Variants in LIPJ observed in about 807,000 individuals in gnomAD.
LIPJ encodes lipase member J.
LIPJ carries 33 observed loss-of-function variants against 39.8 expected under a neutral mutation model. The observed-to-expected ratio is 0.83, with a 90% CI of 0.63 to 1.11. The LOEUF (loss-of-function observed/expected upper bound fraction) is 1.11, where lower values mean the gene tolerates loss of function less well. Among genes scored for constraint, LIPJ ranks in the 50% least tolerant of loss-of-function variants. The pLI is 0.00. For missense variants in LIPJ, 422 were observed against 427.9 expected (o/e 0.99, Z 0.12); for synonymous variants, 128 against 139.2 (o/e 0.92, Z 0.57).
chr10:88,613,690 G>T, the LIPJ span, among the ~76,000 whole-genome samples: 5 of 148,326 alleles, frequency 3.4e-5, no homozygotes, highest in Non-Finnish European at 7.4e-5. Context: ...AAAGAAGTAT[G>T]ACTGGGGATA....
chr10:88,600,504 A>G (rs2047938391), intron 8 of LIPJ, among the ~76,000 whole-genome samples: 1 of 152,194 alleles, frequency 6.6e-6, no homozygotes, highest in South Asian at 2.1e-4. Flanking sequence ...TACCTTCATG[A>G]CCATTTTAAA....
chr10:88,591,412 A>C, exon 4 of LIPJ: 1 of 1,604,138 alleles, frequency 6.2e-7, no homozygotes, highest in Non-Finnish European at 8.5e-7. Flanking sequence ...TACCCTGATG[A>C]AGAATATGAT....
At chr10:88,598,723 G>A (rs1851344614) in intron 8 of LIPJ, among the ~76,000 whole-genome samples, 1 of 151,712 alleles carries the variant, frequency 6.6e-6, no homozygotes, top group African/African-American at 2.4e-5. Flanking sequence ...AGAACAGTGC[G>A]ATTTGGGTTG....
chr10:88,582,929 G>C (rs1000394642), upstream of LIPJ: 1 of 963,544 alleles, frequency 1.0e-6, no homozygotes, highest in South Asian at 2.1e-5. Flanking sequence ...GCGCCACTCG[G>C]CGCATGGGCC....
In LIPJ at chr10:88,596,920, C is replaced by CA. The variant is rs750282279; in HGVS notation, c.713dup (p.Asn238LysfsTer39). Reference sequence around the variant, plus strand: ...TTGTTTATGATGTTTGGATATGACCCAAAAAACTTAAATATGGTAAGAACA... The same window carrying CA: ...TTGTTTATGATGTTTGGATATGACCCAAAAAAACTTAAATATGGTAAGAACA... On this transcript the variant is annotated frameshift_variant, in exon 8 of 11. Coordinates refer to ENST00000371939, the Ensembl canonical transcript of LIPJ. LOFTEE classifies it high-confidence loss of function. 2.6e-6 allele frequency: 4 copies of CA among 1,529,224 alleles called. No homozygotes were observed. Among genetic ancestry groups the CA allele is most frequent in the African/African-American group, 1.4e-5 (1 of 71,298 alleles). The allele number at this position is 1,529,224 out of a possible 1,614,324, so 94.7% of individuals were successfully genotyped here. A position where few individuals can be genotyped will look rare whatever the true frequency, so the allele number is the denominator to read the frequency against.
At chr10:88,593,291 C>T (rs1395126749) in intron 4 of LIPJ, 1 of 151,726 alleles carries the variant, frequency 6.6e-6, no homozygotes, top group Non-Finnish European at 1.5e-5. Context: ...TATGTAGAGG[C>T]TAAAATTGTG....
the LIPJ span, among the ~76,000 whole-genome samples, chr10:88,619,305 A>G: frequency 2.6e-5 from 4 of 151,792 alleles, no homozygotes; most frequent in Admixed American, 6.6e-5. Flanking sequence ...TTACTTTTCT[A>G]TAATATGAGT....
chr10:88,596,439 G>C, intron 7 of LIPJ, 23 bp downstream of exon 7: 2 of 1,465,176 alleles, frequency 1.4e-6, no homozygotes, highest in South Asian at 3.0e-5. Context: ...TTTATTTTAT[G>C]TCATTGATAA....
the LIPJ span, among the ~76,000 whole-genome samples, chr10:88,615,617 G>T: frequency 9.4e-6 from 1 of 106,462 alleles, no homozygotes; most frequent in African/African-American, 4.0e-5. Context: ...AACAGTGTGA[G>T]ACTCCACCTC....
chr10:88,603,726 G>A (rs925648933), intron 9 of LIPJ, among the ~76,000 whole-genome samples: 35 of 152,140 alleles, frequency 2.3e-4, no homozygotes, highest in African/African-American at 6.5e-4. Flanking sequence ...GTACATTAAA[G>A]TTAATAAACA....
rs548345201 is a variant in LIPJ, at chr10:88,593,860, T to C, written c.131-86T>C. ...ATTTTTTAAAATCTTTAAACTGTCA[T>C]GTACTAAAAGTTTGAATTTCAGATA... On this transcript the variant is annotated intron_variant, in intron 4 of 10. Transcript: ENST00000371939. 49 of 1,123,672 alleles carry C rather than the reference T, an allele frequency of 4.4e-5. No homozygotes were observed. In the African/African-American group the frequency reaches 5.7e-4, roughly 13 times the overall value. The allele number at this position is 1,123,672 out of a possible 1,614,324, so 69.6% of individuals were successfully genotyped here. A position where few individuals can be genotyped will look rare whatever the true frequency, so the allele number is the denominator to read the frequency against.
chr10:88,600,127 T>C (rs1051901691), intron 8 of LIPJ, among the ~76,000 whole-genome samples: 1 of 152,156 alleles, frequency 6.6e-6, no homozygotes, highest in Non-Finnish European at 1.5e-5. Flanking sequence ...TTTGTGTTTA[T>C]ATCCACATCC....
intron 8 of LIPJ, among the ~76,000 whole-genome samples, chr10:88,597,526 A>C (rs985740070): frequency 6.6e-6 from 1 of 151,906 alleles, no homozygotes; most frequent in African/African-American, 2.4e-5. Context: ...ATTTGGCAGA[A>C]GCAAATGTGC....
intron 8 of LIPJ, among the ~76,000 whole-genome samples, chr10:88,599,446 C>T (rs983268023): frequency 1.3e-5 from 2 of 151,942 alleles, no homozygotes; most frequent in Non-Finnish European, 2.9e-5. Flanking sequence ...CTGGCAACCA[C>T]CATTTTACTC....
chr10:88,617,980 TG>T, the LIPJ span, among the ~76,000 whole-genome samples: 1 of 152,220 alleles, frequency 6.6e-6, no homozygotes, highest in African/African-American at 2.4e-5. Flanking sequence ...TCTCCCTAGA[TG>T]ATCTTACACT....
chr10:88,601,135 G>A (rs962412775), intron 8 of LIPJ, among the ~76,000 whole-genome samples: 2 of 151,898 alleles, frequency 1.3e-5, no homozygotes, highest in Non-Finnish European at 2.9e-5. Context: ...TTTTAGTAGA[G>A]ATGGGGTTCA....
chr10:88,591,645 A>G, intron 4 of LIPJ, 147 bp downstream of exon 4: 1 of 587,746 alleles, frequency 1.7e-6, no homozygotes, highest in African/African-American at 1.9e-5. Context: ...TGCTACAAGA[A>G]GAGTCACACA....
exon 11 of LIPJ, chr10:88,606,947 C>G: frequency 7.2e-7 from 1 of 1,398,196 alleles, no homozygotes; most frequent in Non-Finnish European, 9.3e-7. Flanking sequence ...TACATCATTC[C>G]TAATGAAATC....
intron 8 of LIPJ, among the ~76,000 whole-genome samples, chr10:88,599,107 A>G (rs761683214): frequency 2.7e-5 from 4 of 150,756 alleles, no homozygotes; most frequent in Non-Finnish European, 5.9e-5. Flanking sequence ...AAAATTGTTC[A>G]GTCAGAACTT....
Sources: gnomAD v4.1 joint callset for allele counts (sites outside exome capture counted in the v4.1 genomes callset) on GRCh38, gnomAD v4.1.1 for gene constraint, MANE v1.5 for transcripts, NCBI Gene and HGNC (gene_info 2026-07-23, HGNC 2026-07-21) for gene names.